The following MYO3B variants were observed in gnomAD, a reference collection of about 807,000 sequenced individuals.
MYO3B encodes myosin IIIB.
Under a neutral mutation model 174.6 loss-of-function variants are expected in MYO3B, and 156 were observed. The observed-to-expected ratio is 0.89, with a 90% CI of 0.78 to 1.02. The LOEUF is 1.02. Ranked by LOEUF, MYO3B falls within the 50% of genes least tolerant of loss-of-function variation. The probability of loss-of-function intolerance (pLI) is 0.00; values close to 1 mark genes in which losing one functional copy is unlikely to be tolerated. For synonymous variants in MYO3B, 563 were observed against 569.1 expected (o/e 0.99, Z 0.15); for missense variants, 1,632 against 1,639.4 (o/e 1.00, Z 0.08).
At chr2:170,508,712 A>C (rs999741965) in intron 28 of MYO3B, among the ~76,000 whole-genome samples, 3 of 152,208 alleles carry the variant, frequency 2.0e-5, no homozygotes, top group African/African-American at 7.2e-5. Context: ...TACCAGTCAA[A>C]GCTTTGGAAA....
chr2:170,425,777 G>T (rs925139658), intron 22 of MYO3B, among the ~76,000 whole-genome samples: 1 of 152,184 alleles, frequency 6.6e-6, no homozygotes, highest in Non-Finnish European at 1.5e-5. Context: ...TCCCTGAAAT[G>T]ATTACAGTGT....
chr2:170,625,740 T>C (rs1696359558), intron 32 of MYO3B, among the ~76,000 whole-genome samples: 1 of 152,224 alleles, frequency 6.6e-6, no homozygotes, highest in African/African-American at 2.4e-5. Context: ...TCCCAGAGAT[T>C]CTGGTATGTT....
At chr2:170,651,480 G>T in intron 32 of MYO3B, 148 bp from the exon 33 acceptor site, 1 of 632,804 alleles carries the variant, frequency 1.6e-6, no homozygotes. Flanking sequence ...TTTTAGGATG[G>T]CATTTCTCCT....
At chr2:170,519,410 T>C (rs999899218) in intron 29 of MYO3B, 28 bp from the exon 30 acceptor site, 3 of 1,594,230 alleles carry the variant, frequency 1.9e-6, no homozygotes, top group Non-Finnish European at 2.6e-6. Context: ...TCTGAACATA[T>C]GCTTAGCCCT....
intron 8 of MYO3B, among the ~76,000 whole-genome samples, chr2:170,367,084 C>T (rs2094204535): frequency 6.6e-6 from 1 of 152,162 alleles, no homozygotes; most frequent in African/African-American, 2.4e-5. Context: ...TTGTGAATTG[C>T]CTCCTTCCAC....
At chr2:170,235,572 G>A (rs1028127570) in intron 6 of MYO3B, among the ~76,000 whole-genome samples, 1 of 152,102 alleles carries the variant, frequency 6.6e-6, no homozygotes, top group Non-Finnish European at 1.5e-5. Context: ...TTATACTCGC[G>A]GGAATTTCAT....
chr2:170,569,571 C>G (rs1420628156), intron 32 of MYO3B, among the ~76,000 whole-genome samples: 1 of 147,898 alleles, frequency 6.8e-6, no homozygotes, highest in African/African-American at 2.5e-5. Flanking sequence ...CCATAGGAAA[C>G]CGAGAGTTGG....
At chr2:170,331,930 T>C (rs1417456740) in intron 7 of MYO3B, among the ~76,000 whole-genome samples, 1 of 152,174 alleles carries the variant, frequency 6.6e-6, no homozygotes, top group Non-Finnish European at 1.5e-5. Context: ...CCTCTTCCAC[T>C]TTAAAAGACT....
Position 170,401,586 on chromosome 2 carries a change from G to C in MYO3B, c.2024G>C (p.Arg675Thr). ...ATCATCCGTGCCAACACTGTAGACA[G>C]GGCTGCGGACGTTCGAGACGCCATG... ...ETIIRANTVDRAADVRDAMSK... is the reference protein window; with the variant it reads ...ETIIRANTVDTAADVRDAMSK... The change falls in exon 18 of 35, where the codon AGG becomes ACG. Residue 675 changes from arginine (R) to threonine (T), a missense_variant. Physicochemically the swap from Arg to Thr is moderately conservative, Grantham distance 71 (BLOSUM62 -1). Coordinates refer to ENST00000408978, the MANE Select transcript of MYO3B (RefSeq NM_138995.5). 1 of 1,614,178 alleles carries C rather than the reference G, an allele frequency of 6.2e-7. No individual in the cohort carries two copies. The highest frequency in any genetic ancestry group is 8.5e-7 in the Non-Finnish European group (1 of 1,180,038).
At chr2:170,494,632 G>A (rs2106057710) in intron 25 of MYO3B, among the ~76,000 whole-genome samples, 1 of 145,962 alleles carries the variant, frequency 6.9e-6, no homozygotes, top group South Asian at 2.1e-4. Context: ...GGAGGCTGAG[G>A]CACGAGAATT....
Position 170,369,230 on chromosome 2 carries a change from T to C in MYO3B, c.824T>C (p.Ile275Thr), listed in dbSNP as rs1331359591. The C allele has an allele frequency of 2.5e-6, 4 of 1,612,870 alleles. No homozygotes were observed. The highest frequency in any genetic ancestry group is 1.3e-5 in the African/African-American group (1 of 74,902). ...TTGGTTTTTGCAAACAGGTGTCTTATTAAGGATTTTGAAAGGCGACCTTCC... is the reference window on the plus strand; with the variant it reads ...TTGGTTTTTGCAAACAGGTGTCTTACTAAGGATTTTGAAAGGCGACCTTCC... ...EFNHFISQCLIKDFERRPSVT... is the reference protein window; with the variant it reads ...EFNHFISQCLTKDFERRPSVT... The change falls in exon 9 of 35, where the codon ATT (isoleucine) becomes ACT (threonine). Residue 275 changes from isoleucine to threonine, a missense_variant. Coordinates refer to ENST00000408978, the MANE Select transcript of MYO3B (RefSeq NM_138995.5).
intron 8 of MYO3B, among the ~76,000 whole-genome samples, chr2:170,364,195 C>T (rs2094181852): frequency 6.6e-6 from 1 of 152,096 alleles, no homozygotes; most frequent in Non-Finnish European, 1.5e-5. Flanking sequence ...AACAGAACTT[C>T]CAAGGATATC....
At chr2:170,221,618 C>T (rs749666368) in intron 6 of MYO3B, among the ~76,000 whole-genome samples, 3 of 152,150 alleles carry the variant, frequency 2.0e-5, no homozygotes, top group Non-Finnish European at 4.4e-5. Flanking sequence ...ATCAACTCAG[C>T]AGTGTAGGAG....
chr2:170,293,374 AT>A (rs956177474), intron 7 of MYO3B, among the ~76,000 whole-genome samples: 61 of 152,250 alleles, frequency 4.0e-4, no homozygotes, highest in African/African-American at 1.5e-3. Context: ...GTTTATTCTA[AT>A]TAGTTCTACT....
At chr2:170,460,487 C>CCAAAAA (rs71399537) in intron 23 of MYO3B, among the ~76,000 whole-genome samples, 1 of 73,682 alleles carries the variant, frequency 1.4e-5, no homozygotes, top group Non-Finnish European at 2.3e-5. Flanking sequence ...GACTCCGTCT[C>CCAAAAA]AAAAAAAAAA....
intron 22 of MYO3B, among the ~76,000 whole-genome samples, chr2:170,430,709 G>A (rs2094702107): frequency 6.6e-6 from 1 of 152,144 alleles, no homozygotes; most frequent in African/African-American, 2.4e-5. Flanking sequence ...TCACCTGAGT[G>A]AATTAATAAA....
intron 8 of MYO3B, among the ~76,000 whole-genome samples, chr2:170,336,652 G>A (rs1292896527): frequency 1.3e-5 from 2 of 152,142 alleles, no homozygotes; most frequent in Non-Finnish European, 2.9e-5. Flanking sequence ...TTTGGCAGCA[G>A]ATATATTTGT....
chr2:170,207,776 A>T (rs778675061), intron 3 of MYO3B, among the ~76,000 whole-genome samples: 2 of 152,086 alleles, frequency 1.3e-5, no homozygotes, highest in Non-Finnish European at 2.9e-5. Flanking sequence ...CTACTCATCT[A>T]GAAAGAGGAG....
intron 23 of MYO3B, among the ~76,000 whole-genome samples, chr2:170,460,189 C>G (rs1559022454): frequency 6.6e-6 from 1 of 152,080 alleles, no homozygotes; most frequent in Non-Finnish European, 1.5e-5. Flanking sequence ...GTTGTCACCT[C>G]TCAATATCAC....
Sources: allele counts gnomAD v4.1 joint callset (sites outside exome capture counted in the v4.1 genomes callset), GRCh38; gene constraint gnomAD v4.1.1; transcripts MANE v1.5; gene names NCBI Gene and HGNC (gene_info 2026-07-23, HGNC 2026-07-21).